The following EFEMP1 variants were observed in gnomAD, a reference collection of about 807,000 sequenced individuals.
EFEMP1 encodes the protein EGF-containing fibulin-like extracellular matrix protein 1.
A neutral mutation model predicts 65.7 loss-of-function variants in EFEMP1; 18 were observed. The ratio of observed to expected loss-of-function variants is 0.27; its 90% confidence interval spans 0.19 to 0.41. The LOEUF is 0.41. EFEMP1 is among the 10% of genes least tolerant of loss of function. The pLI, the probability that EFEMP1 is intolerant of heterozygous loss-of-function variation, is 1.00. For synonymous variants in EFEMP1, 237 were observed against 219.7 expected (o/e 1.08, Z -0.70); for missense variants, 469 against 624.8 (o/e 0.75, Z 2.66).
In EFEMP1 at chr2:55,918,231, G is replaced by T. The variant is rs374767112; in HGVS notation, c.118C>A (p.Gln40Lys). ...GAAGCTGGCTCACCTTTGCATTGCT[G>T]TCTCACAGGATCCCACTCATATCCG... Reference protein sequence around the residue: ...TDGYEWDPVRQQCKDIDECDI... With the variant: ...TDGYEWDPVRKQCKDIDECDI... The change falls in exon 4 of 12, where the codon CAG becomes AAG. Residue 40 changes from glutamine to lysine, a missense_variant. Around this residue, in one of 3 missense-constraint regions of EFEMP1, gnomAD observed 66 missense variants for 73.0 expected, o/e 0.90. Coordinates refer to ENST00000355426, the MANE Select transcript of EFEMP1 (RefSeq NM_001039348.3). The T allele has an allele frequency of 4.8e-5, 78 of 1,614,082 alleles. No individual in the cohort carries two copies. The highest frequency in any genetic ancestry group is 6.4e-5 in the Non-Finnish European group (76 of 1,180,044).
intron 5 of EFEMP1, among the ~76,000 whole-genome samples, chr2:55,912,175 T>A (rs1165652792): frequency 6.6e-6 from 1 of 152,130 alleles, no homozygotes; most frequent in East Asian, 1.9e-4. Context: ...ACATCATAAT[T>A]TACTCAATTA....
chr2:55,905,166 T>C (rs956132113), intron 5 of EFEMP1, among the ~76,000 whole-genome samples: 2 of 152,134 alleles, frequency 1.3e-5, no homozygotes, highest in African/African-American at 4.8e-5. Flanking sequence ...TAAACAGGTC[T>C]GTTGCTTGCA....
rs577659497 is a variant in EFEMP1, at chr2:55,883,423, G to A, written c.518-1689C>T. Among the ~76,000 whole-genome samples the A allele has an allele frequency of 6.6e-6, 1 of 152,124 alleles. No homozygotes were observed. Among genetic ancestry groups the A allele is most frequent in the African/African-American group, 2.4e-5 (1 of 41,504 alleles). ...GCACTTGATGAAAACCTTTTTACTGGGGTTTCTTCAGAGCTTTATGACTCG... is the reference window on the plus strand; with the variant it reads ...GCACTTGATGAAAACCTTTTTACTGAGGTTTCTTCAGAGCTTTATGACTCG... On this transcript the variant is annotated intron_variant, in intron 5 of 11. Coordinates refer to ENST00000355426, the MANE Select transcript of EFEMP1 (RefSeq NM_001039348.3). This position sits in a 1 kb window ranked among gnomAD's most constrained non-coding sequence, Gnocchi z 4.5.
intron 8 of EFEMP1, among the ~76,000 whole-genome samples, chr2:55,875,977 A>T (rs949256917): frequency 6.6e-6 from 1 of 151,844 alleles, no homozygotes; most frequent in Non-Finnish European, 1.5e-5. Flanking sequence ...GAGGTCAGGG[A>T]CATCAAGTGT....
At chr2:55,890,379 A>G (rs1669587317) in intron 5 of EFEMP1, among the ~76,000 whole-genome samples, 1 of 152,100 alleles carries the variant, frequency 6.6e-6, no homozygotes, top group Admixed American at 6.6e-5. Flanking sequence ...CAGTTACAGT[A>G]AGATTTTAAC....
rs1219635725 is a variant in EFEMP1 at position 55,917,203 on chromosome 2, T to C, written c.517+462A>G. Among the ~76,000 whole-genome samples the C allele has an allele frequency of 6.6e-6, 1 of 152,154 alleles. No individual in the cohort carries two copies. The highest frequency in any genetic ancestry group is 1.5e-5 in the Non-Finnish European group (1 of 68,014). On this transcript the variant is annotated intron_variant, in intron 5 of 11. Transcript: ENST00000355426. This position sits in a 1 kb window ranked among gnomAD's most constrained non-coding sequence, Gnocchi z 6.3. ...AAATTCCCAGTGAATAACCTGATGG[T>C]GACTTTTGCCAGCTGTGACTTTGGC...
At chr2:55,905,654 G>A (rs1343717715) in intron 5 of EFEMP1, among the ~76,000 whole-genome samples, 3 of 152,156 alleles carry the variant, frequency 2.0e-5, no homozygotes, top group South Asian at 2.1e-4. Context: ...TCATCGTGTT[G>A]GTCAGGCTGG....
In EFEMP1 at chr2:55,873,886, C is replaced by G. The variant is rs1558460054; in HGVS notation, c.1000+1060G>C. Among the ~76,000 whole-genome samples the G allele has an allele frequency of 6.6e-6, 1 of 151,942 alleles. No individual in the cohort carries two copies. The highest frequency in any genetic ancestry group is 1.5e-5 in the Non-Finnish European group (1 of 67,920). On this transcript the variant is annotated intron_variant, in intron 9 of 11. Coordinates refer to ENST00000355426, the MANE Select transcript of EFEMP1 (RefSeq NM_001039348.3). The surrounding 1 kb of genome is among the most constrained non-coding windows in gnomAD (Gnocchi z 4.6). Reference sequence around the variant, plus strand: ...TTGATCTTTCTTTTCTTAACAGGATCTTTATTGTCCTTGTGTGCCTTCACT... The same window carrying G: ...TTGATCTTTCTTTTCTTAACAGGATGTTTATTGTCCTTGTGTGCCTTCACT...
chr2:55,911,142 TC>T (rs955594146), intron 5 of EFEMP1, among the ~76,000 whole-genome samples: 8 of 152,206 alleles, frequency 5.3e-5, no homozygotes, highest in Non-Finnish European at 1.0e-4. Context: ...TGTTAATATG[TC>T]CTTTTTTCCT....
At chr2:55,920,088 T>G (rs574473724) in intron 3 of EFEMP1, among the ~76,000 whole-genome samples, 1 of 152,204 alleles carries the variant, frequency 6.6e-6, no homozygotes, top group Admixed American at 6.5e-5. Flanking sequence ...CACTACCCAG[T>G]TCCAGCTGAT....
intron 5 of EFEMP1, among the ~76,000 whole-genome samples, chr2:55,906,975 C>T (rs528032152): frequency 3.9e-5 from 6 of 152,350 alleles, no homozygotes; most frequent in African/African-American, 1.4e-4. Flanking sequence ...GGTTATACCT[C>T]AGCACCTTCA....
chr2:55,909,383 G>C lies in EFEMP1; in HGVS notation c.517+8282C>G, dbSNP rs116462374. On this transcript the variant is annotated intron_variant, in intron 5 of 11. Coordinates refer to ENST00000355426, the MANE Select transcript of EFEMP1 (RefSeq NM_001039348.3). Reference sequence around the variant, plus strand: ...GTCATAGATGTTTGCTCTGCAAAGTGGTTCATCAATTGTTCTTTCTGATTT... The same window carrying C: ...GTCATAGATGTTTGCTCTGCAAAGTCGTTCATCAATTGTTCTTTCTGATTT... Among the ~76,000 whole-genome samples the C allele has an allele frequency of 4.9e-3, 752 of 152,240 alleles. 8 individuals are homozygous for C. Among genetic ancestry groups the C allele is most frequent in the African/African-American group, 0.017 (722 of 41,548 alleles).
intron 8 of EFEMP1, among the ~76,000 whole-genome samples, chr2:55,875,447 C>T (rs1489344477): frequency 6.6e-6 from 1 of 151,622 alleles, no homozygotes; most frequent in African/African-American, 2.4e-5. Flanking sequence ...AAAAATATTG[C>T]AAATTCTGAA....
chr2:55,899,695 C>A (rs1001681132), intron 5 of EFEMP1, among the ~76,000 whole-genome samples: 3 of 152,182 alleles, frequency 2.0e-5, no homozygotes, highest in Non-Finnish European at 4.4e-5. Flanking sequence ...TTAAGAGCAA[C>A]ATGAGGTTAT....
intron 8 of EFEMP1, 77 bp downstream of exon 8, chr2:55,876,546 A>G: frequency 6.4e-7 from 1 of 1,571,200 alleles, no homozygotes. Context: ...GTTTTCATAA[A>G]TGGGTACATA....
At chr2:55,892,956 T>C (rs974544194) in intron 5 of EFEMP1, among the ~76,000 whole-genome samples, 1 of 152,160 alleles carries the variant, frequency 6.6e-6, no homozygotes, top group Non-Finnish European at 1.5e-5. Flanking sequence ...AATGGAAAAA[T>C]TGAGCAATTC....
rs1209322241 is a variant in EFEMP1 at position 55,885,847 on chromosome 2, GT to G, written c.518-4114del. On this transcript the variant is annotated intron_variant, in intron 5 of 11. Transcript: ENST00000355426. The surrounding 1 kb of genome is among the most constrained non-coding windows in gnomAD (Gnocchi z 4.3). The stretch of plus-strand genomic sequence containing the variant: ...CCCTGCTTAGGCCCTCATTCTCTAT[GT>G]TTTTGGCTCCTTCCCTTCAGTCTGA... Among the ~76,000 whole-genome samples the G allele has an allele frequency of 6.6e-6, 1 of 152,064 alleles. No homozygotes were observed. The highest frequency in any genetic ancestry group is 1.5e-5 in the Non-Finnish European group (1 of 68,022).
Position 55,874,981 on chromosome 2 carries a change from T to C in EFEMP1, c.965A>G (p.Gln322Arg). The C allele has an allele frequency of 6.2e-7, 1 of 1,608,990 alleles. No individual in the cohort carries two copies. Among genetic ancestry groups the C allele is most frequent in the Non-Finnish European group, 8.5e-7 (1 of 1,176,990 alleles). The part of the protein sequence containing the change: ...EPGKFSCMCP[Q>R]GYQVVRSRTC... ...TCTACTTCTCACCACTTGGTATCCC[T>C]GGGGGCACATACATGAGAATTTCCC... Residue 322 changes from glutamine to arginine, a missense_variant, in exon 9 of 12, where the codon CAG (glutamine) becomes CGG (arginine). Gln to Arg is a conservative substitution (Grantham distance 43, BLOSUM62 1). Transcript: ENST00000355426.
In EFEMP1 at chr2:55,877,283, T is replaced by A. The variant is rs977046909; in HGVS notation, c.760+463A>T. ...CAATGCTCTAAAGCACTGAAAATAT[T>A]GTGAAAAGGCATTTTTCCTACACTA... On this transcript the variant is annotated intron_variant, in intron 7 of 11. Transcript: ENST00000355426. The surrounding 1 kb of genome is among the most constrained non-coding windows in gnomAD (Gnocchi z 4.5). 6.6e-6 allele frequency among the ~76,000 whole-genome samples: 1 copy of A among 152,182 alleles called. No individual in the cohort carries two copies. Among genetic ancestry groups the A allele is most frequent in the African/African-American group, 2.4e-5 (1 of 41,456 alleles).
Sources: gnomAD v4.1 joint callset for allele counts (sites outside exome capture counted in the v4.1 genomes callset) on GRCh38, gnomAD v4.1.1 for gene constraint, gnomAD v4.1.1 regional missense constraint, Gnocchi (gnomAD v3.1) non-coding constraint, MANE v1.5 for transcripts, NCBI Gene and HGNC (gene_info 2026-07-23, HGNC 2026-07-21) for gene names.